TMEM138: variants seen among roughly 807,000 people sequenced by gnomAD.
TMEM138 encodes transmembrane protein 138.
Under a neutral mutation model 18.1 loss-of-function variants are expected in TMEM138, and 9 were observed. That is an observed-to-expected ratio of 0.50 (90% CI 0.30 to 0.87). TMEM138 has a LOEUF of 0.87. Among genes scored for constraint, TMEM138 ranks in the 40% least tolerant of loss-of-function variants. TMEM138 has a pLI of 0.06. For missense variants in TMEM138, 189 were observed against 190.6 expected, an observed-to-expected ratio of 0.99 and a Z score of 0.05; for synonymous variants, 79 against 74.8, an observed-to-expected ratio of 1.06 and a Z score of -0.29.
chr11:61,372,192 A>G (rs1858358511), downstream of TMEM138, among the ~76,000 whole-genome samples: 1 of 151,942 alleles, frequency 6.6e-6, no homozygotes, highest in South Asian at 2.1e-4. Context: ...AAAAAAAAAA[A>G]AAGTTAAATT....
downstream of TMEM138, among the ~76,000 whole-genome samples, chr11:61,373,227 G>T (rs1023505719): frequency 6.6e-6 from 1 of 152,148 alleles, no homozygotes; most frequent in African/African-American, 2.4e-5. Flanking sequence ...TCAAGAAAGA[G>T]GCGGACAGAT....
chr11:61,371,244 A>G (rs924632281), downstream of TMEM138, among the ~76,000 whole-genome samples: 8 of 152,288 alleles, frequency 5.3e-5, no homozygotes, highest in East Asian at 7.7e-4. Flanking sequence ...CATGTTGGCC[A>G]GGATGGTCTC....
Position 61,364,241 on chromosome 11 carries a change from T to C in TMEM138, c.-139-11T>C, listed in dbSNP as rs1858054106. ...ACATTTCTAACCTTGCTTATCTTTT[T>C]GCTCCAACAGGTGCTTGCCTTAGAG... is the stretch of plus-strand genomic sequence containing the variant. On this transcript the variant is annotated splice_polypyrimidine_tract_variant and intron_variant, in intron 1 of 4. Transcript: ENST00000278826. 1 of 853,868 alleles carries C rather than the reference T, an allele frequency of 1.2e-6. No homozygotes were observed. The highest frequency in any genetic ancestry group is 2.5e-5 in the East Asian group (1 of 39,654). The allele number at this position is 853,868 out of a possible 1,614,324, so 52.9% of individuals were successfully genotyped here. A position where few individuals can be genotyped will look rare whatever the true frequency, so the allele number is the denominator to read the frequency against.
At chr11:61,364,587 G>A in intron 2 of TMEM138, 69 bp downstream of exon 2, 1 of 1,596,166 alleles carries the variant, frequency 6.3e-7, no homozygotes, top group Non-Finnish European at 8.5e-7. Flanking sequence ...TGGTGATTTA[G>A]TGTCTTAAAG....
Position 61,366,179 on chromosome 11 carries a change from ACTTTGCC to A in TMEM138, c.266_272del (p.Phe89SerfsTer10). 6.2e-7 allele frequency: 1 copy of A among 1,614,188 alleles called. No homozygotes were observed. The highest frequency in any genetic ancestry group is 8.5e-7 in the Non-Finnish European group (1 of 1,180,030). On this transcript the variant is annotated frameshift_variant, in exon 3 of 5. Coordinates refer to ENST00000278826, the MANE Select transcript of TMEM138 (RefSeq NM_016464.5). LOFTEE classifies it high-confidence loss of function. ...GGGACCATCATCCTGACAGCTGTGT[ACTTTGCC>A]CTCAGCATCTCCCTTCATGTCTGGG...
In TMEM138 at chr11:61,367,907, C is replaced by T. The variant is rs763842533; in HGVS notation, c.301-16C>T. On this transcript the variant is annotated splice_polypyrimidine_tract_variant and intron_variant, in intron 3 of 4. Coordinates refer to ENST00000278826, the MANE Select transcript of TMEM138 (RefSeq NM_016464.5). ...CTTGTGGCCATTAACTTTTGTGTAT[C>T]TCACATCTCCTTCAGAACTTACGCT... 1 of 1,587,494 alleles carries T rather than the reference C, an allele frequency of 6.3e-7. No individual in the cohort carries two copies. The highest frequency in any genetic ancestry group is 1.3e-5 in the African/African-American group (1 of 74,342).
chr11:61,365,187 C>CA (rs539669533), intron 2 of TMEM138, among the ~76,000 whole-genome samples: 4,587 of 134,574 alleles, frequency 0.034, 185 homozygotes, highest in African/African-American at 0.093. Context: ...GACTCCATCT[C>CA]AAAAAAAAAA....
At chr11:61,372,651 T>C (rs575232076), downstream of TMEM138, among the ~76,000 whole-genome samples, 1 of 152,128 alleles carries the variant, frequency 6.6e-6, no homozygotes, top group East Asian at 1.9e-4. Flanking sequence ...GCAGGCGTGG[T>C]GGCAGGCACC....
chr11:61,364,205 A>G (rs937469258), intron 1 of TMEM138, 47 bp from the exon 2 acceptor site: 5 of 564,924 alleles, frequency 8.9e-6, no homozygotes, highest in Non-Finnish European at 1.5e-5. Flanking sequence ...GTAAATGTTT[A>G]TGGTATTAAT....
chr11:61,368,056 AG>A, intron 4 of TMEM138, 58 bp downstream of exon 4: 1 of 1,222,028 alleles, frequency 8.2e-7, no homozygotes. Context: ...TCTTTCAGTG[AG>A]GGCCTTGATG....
At chr11:61,365,187 CA>C (rs539669533) in intron 2 of TMEM138, among the ~76,000 whole-genome samples, 245 of 134,162 alleles carry the variant, frequency 1.8e-3, no homozygotes, top group Admixed American at 1.7e-3. Flanking sequence ...GACTCCATCT[CA>C]AAAAAAAAAA....
At position 61,366,951 on chromosome 11, in the gene TMEM138, A is replaced by G. The variant is rs147001409; in HGVS notation, c.300+735A>G. The G allele has an allele frequency of 1.3e-3, 193 of 152,350 alleles. 1 individual carries two copies. The highest frequency in any genetic ancestry group is 4.4e-3 in the African/African-American group (182 of 41,564). 9.4% of individuals were successfully genotyped at this position (152,350 alleles called of 1,614,324 possible). On this transcript the variant is annotated intron_variant, in intron 3 of 4. Coordinates refer to ENST00000278826, the MANE Select transcript of TMEM138 (RefSeq NM_016464.5). ...TGTCCAAGAGTCAGGGGACTCTTCCAGAACATTCAATTCACCTTTGCCCCA... is the reference window on the plus strand; with the variant it reads ...TGTCCAAGAGTCAGGGGACTCTTCCGGAACATTCAATTCACCTTTGCCCCA...
At chr11:61,376,470 C>T (rs755339355), downstream of TMEM138, among the ~76,000 whole-genome samples, 12 of 152,062 alleles carry the variant, frequency 7.9e-5, no homozygotes, top group African/African-American at 1.9e-4. Context: ...CAGTTTGGAC[C>T]GAATTCTAAT....
At chr11:61,363,383 A>G (rs1021344510) in intron 1 of TMEM138, 2 of 152,222 alleles carry the variant, frequency 1.3e-5, no homozygotes, top group Non-Finnish European at 2.9e-5. Flanking sequence ...ACTTCTCAAG[A>G]TGGTTGTAGG....
At chr11:61,371,729 T>C (rs2135171845), downstream of TMEM138, among the ~76,000 whole-genome samples, 1 of 152,344 alleles carries the variant, frequency 6.6e-6, no homozygotes, top group East Asian at 1.9e-4. Context: ...AGCTTGATTT[T>C]ATGTATTTTA....
chr11:61,372,804 A>C (rs1858379038), downstream of TMEM138, among the ~76,000 whole-genome samples: 1 of 151,774 alleles, frequency 6.6e-6, no homozygotes, highest in Admixed American at 6.6e-5. Flanking sequence ...AGAAAGAAAG[A>C]GGGATTGTTC....
chr11:61,367,782 G>A (rs1293218528), intron 3 of TMEM138, 141 bp from the exon 4 acceptor site: 6 of 662,650 alleles, frequency 9.1e-6, no homozygotes, highest in African/African-American at 1.8e-5. Context: ...AGGCTCCTTC[G>A]AGAAACGCTC....
chr11:61,363,323 A>G (rs1590622227), intron 1 of TMEM138: 1 of 152,240 alleles, frequency 6.6e-6, no homozygotes, highest in Admixed American at 6.5e-5. Flanking sequence ...AGGTGCCTTA[A>G]CCTTCCGGAG....
rs2135157682 is a variant in TMEM138, at chr11:61,366,026, C to G, written c.129-19C>G. On this transcript the variant is annotated intron_variant, in intron 2 of 4. Transcript: ENST00000278826. ...CTCACACAGGCCTTCATTGGTTGTA[C>G]TTTTTTTTATGTCTACAGCATCCAG... 2 of 1,603,150 alleles carry G rather than the reference C, an allele frequency of 1.2e-6. No individual in the cohort carries two copies. The highest frequency in any genetic ancestry group is 1.1e-5 in the South Asian group (1 of 89,404).
Sources: allele counts gnomAD v4.1 joint callset (sites outside exome capture counted in the v4.1 genomes callset), GRCh38; gene constraint gnomAD v4.1.1; transcripts MANE v1.5; gene names NCBI Gene and HGNC (gene_info 2026-07-23, HGNC 2026-07-21).